Variants in LONP1 observed in about 807,000 individuals in gnomAD.
LONP1 encodes lon peptidase 1, mitochondrial.
LONP1 carries 31 observed loss-of-function variants against 98.5 expected under a neutral mutation model. That is an observed-to-expected ratio of 0.31 (90% CI 0.24 to 0.42). The LOEUF is 0.42. Among genes scored for constraint, LONP1 ranks in the 20% least tolerant of loss-of-function variants. The pLI is 1.00. For synonymous variants in LONP1, 781 were observed against 594.7 expected, an observed-to-expected ratio of 1.31 and a Z score of -4.56; for missense variants, 1,336 against 1,350.6, an observed-to-expected ratio of 0.99 and a Z score of 0.17.
rs892521451 is a variant in LONP1, at chr19:5,697,055, C to T, written c.1686-298G>A. 5.3e-5 allele frequency among the ~76,000 whole-genome samples: 8 copies of T among 152,182 alleles called. 1 individual carries two copies. The highest frequency in any genetic ancestry group is 1.5e-5 in the Non-Finnish European group (1 of 68,014). On this transcript the variant is annotated intron_variant, in intron 10 of 17. Coordinates refer to ENST00000360614, the MANE Select transcript of LONP1 (RefSeq NM_004793.4). Reference sequence around the variant, plus strand: ...CCAGACAGGCGCTGGCAGCAGAAGGCCCCCACTCCTCACTGAGGGACGCCA... The same window carrying T: ...CCAGACAGGCGCTGGCAGCAGAAGGTCCCCACTCCTCACTGAGGGACGCCA...
At position 5,719,849 on chromosome 19, in the gene LONP1, C is replaced by G; in HGVS notation, c.284G>C (p.Gly95Ala). The G allele has an allele frequency of 6.2e-7, 1 of 1,605,572 alleles. No individual in the cohort carries two copies. The highest frequency in any genetic ancestry group is 8.5e-7 in the Non-Finnish European group (1 of 1,176,804). ...GGCGCCCGCGCTGCCCCCCGCGCCG[C>G]CGGCTCCTTCCTCCGCGCCGCCCTC... Reference protein sequence around the residue: ...ASEGGAEEGAGGAGGSAGAGE... With the variant: ...ASEGGAEEGAAGAGGSAGAGE... Residue 95 changes from glycine (G) to alanine (A), a missense_variant, in exon 1 of 18, where the codon GGC becomes GCC. Coordinates refer to ENST00000360614, the MANE Select transcript of LONP1 (RefSeq NM_004793.4).
rs1056192862 is a variant in LONP1 at position 5,712,179 on chromosome 19, C to G, written c.639-177G>C. On this transcript the variant is annotated intron_variant, in intron 3 of 17. Coordinates refer to ENST00000360614, the MANE Select transcript of LONP1 (RefSeq NM_004793.4). ...CGTGAGCCGCTTTCTCGGGGCCTCC[C>G]AACCAGTGTCCCCTCCACCCCTTAG... The G allele has an allele frequency of 6.8e-6, 4 of 584,598 alleles. No individual in the cohort carries two copies. In the African/African-American group the frequency reaches 7.5e-5, roughly 11 times the overall value. 36.2% of individuals were successfully genotyped at this position (584,598 alleles called of 1,614,324 possible).
intron 6 of LONP1, 108 bp from the exon 7 acceptor site, chr19:5,707,251 T>C: frequency 1.2e-6 from 1 of 839,420 alleles, no homozygotes; most frequent in Non-Finnish European, 2.0e-6. Flanking sequence ...CGGGAGGACC[T>C]GGCCATGCTG....
intron 10 of LONP1, among the ~76,000 whole-genome samples, chr19:5,698,645 G>A (rs553280763): frequency 3.9e-5 from 6 of 152,278 alleles, no homozygotes; most frequent in South Asian, 2.1e-4. Context: ...GGGTGGAGCC[G>A]ACCCCACCCC....
At chr19:5,715,643 TAAAAAAAAAAAAAAAAAAAAAAAAAA>T (rs527565499) in intron 1 of LONP1, among the ~76,000 whole-genome samples, 1 of 31,092 alleles carries the variant, frequency 3.2e-5, no homozygotes, top group African/African-American at 1.3e-4. Flanking sequence ...CTCTGTCTCA[TAAAAAAAAAAAAAAAAAAAAAAAAAA>T]AAAAAAAAAA....
At chr19:5,706,563 C>T (rs907919066) in intron 7 of LONP1, among the ~76,000 whole-genome samples, 14 of 151,992 alleles carry the variant, frequency 9.2e-5, no homozygotes, top group African/African-American at 3.4e-4. Flanking sequence ...GCTGAGATTG[C>T]GCCATTGCAC....
At chr19:5,694,608 T>C in intron 14 of LONP1, 56 bp from the exon 15 acceptor site, 1 of 1,467,366 alleles carries the variant, frequency 6.8e-7, no homozygotes, top group South Asian at 1.2e-5. Flanking sequence ...AGGTGCGGGG[T>C]GGTGGGGTGA....
At chr19:5,703,192 A>AG (rs1364825144) in intron 8 of LONP1, among the ~76,000 whole-genome samples, 2 of 151,626 alleles carry the variant, frequency 1.3e-5, no homozygotes, top group East Asian at 3.9e-4. Flanking sequence ...AAAAAAAAAA[A>AG]AAAAAAAAAT....
chr19:5,708,274 AC>A, intron 5 of LONP1, 67 bp downstream of exon 5: 4 of 1,494,144 alleles, frequency 2.7e-6, no homozygotes, highest in Non-Finnish European at 3.7e-6. Context: ...GAAGCCCCCT[AC>A]CCACCCAGCT....
rs1221324102 is a variant in LONP1, at chr19:5,693,414, C to A, written c.2587G>T (p.Ala863Ser). The A allele has an allele frequency of 1.2e-6, 2 of 1,612,590 alleles. No individual in the cohort carries two copies. Among genetic ancestry groups the A allele is most frequent in the East Asian group, 2.2e-5 (1 of 44,848 alleles). Residue 863 changes from alanine (A) to serine (S), a missense_variant, in exon 17 of 18, where the codon GCC (alanine) becomes TCC (serine). Coordinates refer to ENST00000360614, the MANE Select transcript of LONP1 (RefSeq NM_004793.4). ...CTGCCCATGGCCAGGGACAGCAGGG[C>A]CGTGACGATGGTGCAGCCTGCGCTT... The part of the protein sequence containing the change: ...GPSAGCTIVT[A>S]LLSLAMGRPV...
intron 11 of LONP1, 41 bp from the exon 12 acceptor site, chr19:5,696,412 C>G: frequency 6.2e-7 from 1 of 1,601,068 alleles, no homozygotes; most frequent in East Asian, 2.2e-5. Flanking sequence ...CGCCGTGCCC[C>G]TGGCCAGCCC....
Position 5,697,734 on chromosome 19 carries a change from C to T in LONP1, c.1686-977G>A, listed in dbSNP as rs60176387. On this transcript the variant is annotated intron_variant, in intron 10 of 17. Transcript: ENST00000360614. ...TGCTGTTAATAACAACGATCCATCG[C>T]CCCGCAGCCAGTCTCCTGTCCTTGT... Among the ~76,000 whole-genome samples, 511 of 149,810 alleles carry T rather than the reference C, an allele frequency of 3.4e-3. 5 individuals carry two copies. Among genetic ancestry groups the T allele is most frequent in the African/African-American group, 0.012 (496 of 41,070 alleles).
rs2055024622 is a variant in LONP1 at position 5,700,701 on chromosome 19, T to G, written c.1506+88A>C. On this transcript the variant is annotated intron_variant, in intron 9 of 17. Transcript: ENST00000360614. ...CAGGCCTACGAATTCACCAGGGGGC[T>G]CCTTTGAAATCTCAACCCACAGCAC... 3.2e-6 allele frequency: 5 copies of G among 1,542,404 alleles called. No homozygotes were observed. In the African/African-American group the frequency reaches 5.4e-5, roughly 17 times the overall value.
Position 5,713,153 on chromosome 19 carries a change from T to A in LONP1, c.619A>T (p.Ile207Phe). The A allele has an allele frequency of 6.2e-7, 1 of 1,613,956 alleles. No individual in the cohort carries two copies. The highest frequency in any genetic ancestry group is 8.5e-7 in the Non-Finnish European group (1 of 1,179,906). ...ACCCACCTTCTGTGTCCCATGACGATCATGCGCAGCTTGTCCCCAAGGTCC... is the reference window on the plus strand; with the variant it reads ...ACCCACCTTCTGTGTCCCATGACGAACATGCGCAGCTTGTCCCCAAGGTCC... ...MQDLGDKLRMIVMGHRRVHIS... is the reference protein window; with the variant it reads ...MQDLGDKLRMFVMGHRRVHIS... Residue 207 changes from isoleucine (I) to phenylalanine (F), a missense_variant, in exon 3 of 18, where the codon ATC becomes TTC. By Grantham distance (21) the Ile-to-Phe change is conservative. This residue lies in a region of LONP1 where 457 missense variants were observed against 403.1 expected (regional missense o/e 1.13). Transcript: ENST00000360614.
chr19:5,696,934 G>C (rs1391679143), intron 10 of LONP1, among the ~76,000 whole-genome samples, 177 bp from the exon 11 acceptor site: 1 of 152,200 alleles, frequency 6.6e-6, no homozygotes, highest in Non-Finnish European at 1.5e-5. Context: ...AGGCACGCTG[G>C]TCACTTGCCC....
intron 17 of LONP1, 131 bp from the exon 18 acceptor site, chr19:5,692,339 C>CA: frequency 1.2e-6 from 1 of 826,534 alleles, no homozygotes; most frequent in African/African-American, 1.7e-5. Context: ...CAGTAAGTCC[C>CA]AAAACCCACC....
intron 13 of LONP1, among the ~76,000 whole-genome samples, chr19:5,695,840 GAC>G (rs1218325393): frequency 6.6e-6 from 1 of 152,146 alleles, no homozygotes; most frequent in African/African-American, 2.4e-5. Context: ...CGGTGTTTTG[GAC>G]AGTCCCAGGC....
At chr19:5,700,616 C>T (rs1019569124) in intron 9 of LONP1, among the ~76,000 whole-genome samples, 173 bp downstream of exon 9, 2 of 152,196 alleles carry the variant, frequency 1.3e-5, no homozygotes, top group Non-Finnish European at 2.9e-5. Context: ...GGGAAATCCT[C>T]GAGCCCTCGG....
At chr19:5,710,430 CTG>C (rs1189681610) in intron 4 of LONP1, among the ~76,000 whole-genome samples, 1 of 150,826 alleles carries the variant, frequency 6.6e-6, no homozygotes, top group Non-Finnish European at 1.5e-5. Context: ...GGGTCTCACT[CTG>C]TTGCCCAGGC....
Sources: allele counts gnomAD v4.1 joint callset (sites outside exome capture counted in the v4.1 genomes callset), GRCh38; gene constraint gnomAD v4.1.1; regional missense constraint gnomAD v4.1.1; transcripts MANE v1.5; gene names NCBI Gene and HGNC (gene_info 2026-07-23, HGNC 2026-07-21).